SKOR2: variants seen among roughly 807,000 people sequenced by gnomAD.
SKOR2 encodes SKI family transcriptional corepressor 2.
In SKOR2, 47 loss-of-function variants were observed where a neutral mutation model predicts 69.1. That is an observed-to-expected ratio of 0.68 (90% CI 0.54 to 0.87). The LOEUF is 0.87. SKOR2 is among the 40% of genes least tolerant of loss of function. The pLI is 0.00. For synonymous variants in SKOR2, 717 were observed against 672.6 expected (o/e 1.07, Z -1.02); for missense variants, 1,404 against 1,472.2 (o/e 0.95, Z 0.76).
At chr18:47,233,141 T>C (rs1171418764) in intron 4 of SKOR2, among the ~76,000 whole-genome samples, 1 of 152,204 alleles carries the variant, frequency 6.6e-6, no homozygotes, top group African/African-American at 2.4e-5. Flanking sequence ...AGGAGCCTAA[T>C]AATATCCTTG....
At chr18:47,223,488 T>A (rs527269805) in intron 6 of SKOR2, among the ~76,000 whole-genome samples, 1 of 152,296 alleles carries the variant, frequency 6.6e-6, no homozygotes, top group East Asian at 1.9e-4. Flanking sequence ...CAACAACACT[T>A]TTAGGAGTTT....
intron 4 of SKOR2, among the ~76,000 whole-genome samples, chr18:47,237,616 A>T (rs998533995): frequency 3.3e-5 from 5 of 152,186 alleles, no homozygotes; most frequent in Admixed American, 6.5e-5. Context: ...TGCCATTTGA[A>T]TAAAGATCAA....
At position 47,247,709 on chromosome 18, in the gene SKOR2, G is replaced by A; in HGVS notation, c.1475C>T (p.Pro492Leu). 1.5e-6 allele frequency: 2 copies of A among 1,360,674 alleles called. No individual in the cohort carries two copies. Among genetic ancestry groups the A allele is most frequent in the Non-Finnish European group, 9.4e-7 (1 of 1,066,336 alleles). 84.3% of individuals were successfully genotyped at this position (1,360,674 alleles called of 1,614,324 possible). A position where few individuals can be genotyped will look rare whatever the true frequency, so the allele number is the denominator to read the frequency against. ...GCCTAGCGCGCAGCCTAGCGCCGAGGGCGGCTGAGGCGGGGGCTGCAGGTA... is the reference window on the plus strand; with the variant it reads ...GCCTAGCGCGCAGCCTAGCGCCGAGAGCGGCTGAGGCGGGGGCTGCAGGTA... Reference protein sequence around the residue: ...PTYLQPPPQPPSALGCALGES... With the variant: ...PTYLQPPPQPLSALGCALGES... The change falls in exon 2 of 9, where the codon CCC (proline) becomes CTC (leucine). Residue 492 changes from proline (P) to leucine (L), a missense_variant. Transcript: ENST00000425639. This position sits in a 1 kb window ranked among gnomAD's most constrained non-coding sequence, Gnocchi z 6.6.
At chr18:47,221,384 C>T (rs868353548) in intron 6 of SKOR2, among the ~76,000 whole-genome samples, 14 of 152,112 alleles carry the variant, frequency 9.2e-5, no homozygotes, top group African/African-American at 2.2e-4. Context: ...TGAGCAGACA[C>T]GTGGAGAACA....
chr18:47,227,324 CA>C (rs1370017225), intron 6 of SKOR2, among the ~76,000 whole-genome samples: 10 of 141,258 alleles, frequency 7.1e-5, no homozygotes, highest in Admixed American at 1.4e-4. Context: ...GACAAGAAGC[CA>C]ATTTTTTTTT....
rs1360841883 is a variant in SKOR2 at position 47,206,734 on chromosome 18, G to T, written c.*162C>A. On this transcript the variant is annotated 3_prime_UTR_variant, in exon 9 of 9. Transcript: ENST00000425639. ...CTGCTACAGTCTATTTTACATGGTT[G>T]TCCATGCTGTTTTGAGGTCACTTGT... 6.6e-6 allele frequency: 1 copy of T among 152,030 alleles called. No homozygotes were observed. The highest frequency in any genetic ancestry group is 1.5e-5 in the Non-Finnish European group (1 of 68,070). 9.4% of individuals were successfully genotyped at this position (152,030 alleles called of 1,614,324 possible). A position where few individuals can be genotyped will look rare whatever the true frequency, so the allele number is the denominator to read the frequency against.
rs1020763380 is a variant in SKOR2, at chr18:47,247,681, T to G, written c.1503A>C (p.Glu501Asp). The G allele has an allele frequency of 1.2e-5, 17 of 1,371,240 alleles. No individual in the cohort carries two copies. Among genetic ancestry groups the G allele is most frequent in the Middle Eastern group, 2.6e-4 (1 of 3,828 alleles). 84.9% of individuals were successfully genotyped at this position (1,371,240 alleles called of 1,614,324 possible). A position where few individuals can be genotyped will look rare whatever the true frequency, so the allele number is the denominator to read the frequency against. ...AGGCCTGGCGCAGCAGGGCCGGGCT[T>G]TCGCCTAGCGCGCAGCCTAGCGCCG... is the stretch of plus-strand genomic sequence containing the variant. ...PPSALGCALG[E>D]SPALLRQAFL... The change falls in exon 2 of 9, where the codon GAA becomes GAC. Residue 501 changes from glutamate to aspartate, a missense_variant. Transcript: ENST00000425639. The surrounding 1 kb of genome is among the most constrained non-coding windows in gnomAD (Gnocchi z 6.6).
At chr18:47,242,190 C>T (rs1283098917) in intron 4 of SKOR2, among the ~76,000 whole-genome samples, 2 of 152,060 alleles carry the variant, frequency 1.3e-5, no homozygotes, top group Non-Finnish European at 2.9e-5. Flanking sequence ...CTCTTAAAGC[C>T]AGGAATTTGT....
Position 47,245,504 on chromosome 18 carries a change from A to G in SKOR2, c.2671T>C (p.Phe891Leu). The G allele has an allele frequency of 1.2e-6, 1 of 843,974 alleles. No individual in the cohort carries two copies. Among genetic ancestry groups the G allele is most frequent in the Non-Finnish European group, 1.5e-6 (1 of 648,742 alleles). 52.3% of individuals were successfully genotyped at this position (843,974 alleles called of 1,614,324 possible). The change falls in exon 3 of 9, where the codon TTT becomes CTT. Residue 891 changes from phenylalanine to leucine, a missense_variant. Coordinates refer to ENST00000425639, the MANE Select transcript of SKOR2 (RefSeq NM_001278063.4). The stretch of plus-strand genomic sequence containing the variant: ...TTTTTTTTTTTTTTTTTACCTGAAA[A>G]GCTGTTGTCATCCTTTGTAGATACA... ...VIVSTKDDNSFSDKNKEHSFF... is the reference protein window; with the variant it reads ...VIVSTKDDNSLSDKNKEHSFF...
intron 4 of SKOR2, among the ~76,000 whole-genome samples, chr18:47,237,133 T>C (rs1044297392): frequency 1.3e-5 from 2 of 152,254 alleles, no homozygotes; most frequent in South Asian, 2.1e-4. Context: ...TTAGTTGTCA[T>C]GACGAGTTTT....
intron 4 of SKOR2, among the ~76,000 whole-genome samples, chr18:47,240,405 T>C (rs1170667348): frequency 6.6e-6 from 1 of 152,210 alleles, no homozygotes; most frequent in Non-Finnish European, 1.5e-5. Flanking sequence ...ATTTATATTT[T>C]TGAGTAGGTA....
Position 47,247,438 on chromosome 18 carries a change from A to C in SKOR2, c.1746T>G (p.Ala582=). 7.9e-7 allele frequency: 1 copy of C among 1,273,210 alleles called. No individual in the cohort carries two copies. The highest frequency in any genetic ancestry group is 9.9e-7 in the Non-Finnish European group (1 of 1,011,944). The allele number at this position is 1,273,210 out of a possible 1,614,324, so 78.9% of individuals were successfully genotyped here. Residue 582 remains alanine, a synonymous_variant, in exon 2 of 9, where the codon GCT becomes GCG. Coordinates refer to ENST00000425639, the MANE Select transcript of SKOR2 (RefSeq NM_001278063.4). This position sits in a 1 kb window ranked among gnomAD's most constrained non-coding sequence, Gnocchi z 6.6. ...CGGCGGCCGCGGCCCCTGCCCCGGC[A>C]GCTGCCACAGAGTCCGCGGGCGGCG... ...GSTPPADSVA[A]AGAGAAAAGS... is the part of the protein sequence containing the mutation.
At chr18:47,227,520 G>T (rs905230136) in intron 6 of SKOR2, among the ~76,000 whole-genome samples, 1 of 151,792 alleles carries the variant, frequency 6.6e-6, no homozygotes, top group African/African-American at 2.4e-5. Context: ...TGGTACAGAC[G>T]AGGTTTCACC....
chr18:47,231,774 C>T (rs775849921), intron 4 of SKOR2, among the ~76,000 whole-genome samples: 7 of 149,674 alleles, frequency 4.7e-5, no homozygotes, highest in South Asian at 2.1e-4. Context: ...ACCCGGGAGG[C>T]GGAGGTTGCG....
chr18:47,230,357 T>C (rs1235785672), intron 6 of SKOR2, 102 bp downstream of exon 6: 2 of 679,662 alleles, frequency 2.9e-6, no homozygotes, highest in Non-Finnish European at 4.3e-6. Flanking sequence ...AGACTGTGTG[T>C]GTTTTGCACA....
At chr18:47,208,246 A>G (rs2064118624) in intron 8 of SKOR2, among the ~76,000 whole-genome samples, 1 of 152,240 alleles carries the variant, frequency 6.6e-6, no homozygotes, top group South Asian at 2.1e-4. Context: ...TGAATCCTGT[A>G]TCTGTCACTT....
intron 6 of SKOR2, among the ~76,000 whole-genome samples, chr18:47,228,523 T>C (rs1445450413): frequency 5.9e-5 from 9 of 152,296 alleles, no homozygotes; most frequent in African/African-American, 1.7e-4. Context: ...TTGGCTTTTA[T>C]TAATGGGATG....
Position 47,248,526 on chromosome 18 carries a change from G to A in SKOR2, c.658C>T (p.Pro220Ser). ...CAGGCGAAGACCAGCTCGTCCTGGG[G>A]ACTCTTGTCGGTGAGCTTGAGATGA... ...RRHLKLTDKS[P>S]QDELVFAWED... The change falls in exon 2 of 9, where the codon CCC becomes TCC. Residue 220 changes from proline to serine, a missense_variant. Pro to Ser is a moderately conservative substitution (Grantham distance 74). Coordinates refer to ENST00000425639, the MANE Select transcript of SKOR2 (RefSeq NM_001278063.4). This position sits in a 1 kb window ranked among gnomAD's most constrained non-coding sequence, Gnocchi z 6.4. 1.3e-6 allele frequency: 2 copies of A among 1,537,240 alleles called. No homozygotes were observed. Among genetic ancestry groups the A allele is most frequent in the Non-Finnish European group, 1.7e-6 (2 of 1,146,892 alleles).
intron 6 of SKOR2, among the ~76,000 whole-genome samples, chr18:47,224,598 C>T (rs1196822348): frequency 1.3e-5 from 2 of 148,378 alleles, no homozygotes; most frequent in Non-Finnish European, 3.0e-5. Context: ...TTTGTTATCT[C>T]TATTTTTAAA....
Sources: allele counts gnomAD v4.1 joint callset (sites outside exome capture counted in the v4.1 genomes callset), GRCh38; gene constraint gnomAD v4.1.1; non-coding constraint Gnocchi (gnomAD v3.1); transcripts MANE v1.5; gene names NCBI Gene and HGNC (gene_info 2026-07-23, HGNC 2026-07-21).